Variants in SYNJ1 observed in about 807,000 individuals in gnomAD.
SYNJ1 encodes the protein synaptojanin 1.
SYNJ1 carries 78 observed loss-of-function variants against 168.2 expected under a neutral mutation model. The observed-to-expected ratio is 0.46, with a 90% CI of 0.39 to 0.56. SYNJ1 has a LOEUF of 0.56. Among genes scored for constraint, SYNJ1 ranks in the 20% least tolerant of loss-of-function variants. The pLI is 0.00. For missense variants in SYNJ1, 1,303 were observed against 1,597.6 expected, an observed-to-expected ratio of 0.82 and a Z score of 3.14; for synonymous variants, 539 against 548.6, an observed-to-expected ratio of 0.98 and a Z score of 0.24.
intron 21 of SYNJ1, among the ~76,000 whole-genome samples, chr21:32,656,313 G>A (rs1344906045): frequency 6.6e-6 from 1 of 152,104 alleles, no homozygotes; most frequent in Non-Finnish European, 1.5e-5. Context: ...GTGTGGTGGT[G>A]TGCACTTGCA....
At chr21:32,637,378 T>C (rs1007211737) in intron 31 of SYNJ1, among the ~76,000 whole-genome samples, 9 of 151,670 alleles carry the variant, frequency 5.9e-5, no homozygotes, top group African/African-American at 2.2e-4. Context: ...TTATTATATA[T>C]TTTCACCATC....
chr21:32,676,431 A>G, intron 12 of SYNJ1, 76 bp from the exon 13 acceptor site: 2 of 1,446,074 alleles, frequency 1.4e-6, no homozygotes, highest in Non-Finnish European at 1.9e-6. Context: ...GTATAGTGAC[A>G]AAACATTTTG....
chr21:32,723,542 G>A (rs756979972), intron 2 of SYNJ1, among the ~76,000 whole-genome samples: 109 of 152,156 alleles, frequency 7.2e-4, no homozygotes, highest in Non-Finnish European at 1.2e-3. Context: ...TCTTGGCTGC[G>A]AGCAGTGGCT....
At chr21:32,674,622 CGT>C (rs1309199415) in intron 13 of SYNJ1, among the ~76,000 whole-genome samples, 112 of 18,236 alleles carry the variant, frequency 6.1e-3, no homozygotes, top group African/African-American at 0.029. Flanking sequence ...CAATCTCTCC[CGT>C]TTTTTTTTTT....
chr21:32,714,082 T>C (rs189176463), intron 2 of SYNJ1, among the ~76,000 whole-genome samples: 1 of 152,336 alleles, frequency 6.6e-6, no homozygotes, highest in Non-Finnish European at 1.5e-5. Context: ...TATATACTTT[T>C]CTACATGTAT....
chr21:32,688,217 C>G (rs2041897663), intron 7 of SYNJ1, 89 bp downstream of exon 7: 3 of 1,304,258 alleles, frequency 2.3e-6, no homozygotes, highest in African/African-American at 3.0e-5. Flanking sequence ...TATTTAAAGC[C>G]AAAAAAGTTT....
intron 14 of SYNJ1, among the ~76,000 whole-genome samples, chr21:32,672,982 T>C (rs2041263328): frequency 6.6e-6 from 1 of 151,356 alleles, no homozygotes; most frequent in African/African-American, 2.5e-5. Context: ...TCTTGGTTTA[T>C]GTCCATAATC....
chr21:32,719,965 C>A (rs1267452988), intron 2 of SYNJ1, among the ~76,000 whole-genome samples: 2 of 151,618 alleles, frequency 1.3e-5, no homozygotes, highest in Admixed American at 6.6e-5. Context: ...CGAGGCCAGG[C>A]ACAGTGGCTC....
Position 32,639,004 on chromosome 21 carries a change from C to A in SYNJ1, c.3819G>T (p.Gln1273His), listed in dbSNP as rs766057048. Reference sequence around the variant, plus strand: ...TTTCCAAATTTGGCTGGGGGCCAGACTGAGGCATAGGTGCTGCCACAGGGA... The same window carrying A: ...TTTCCAAATTTGGCTGGGGGCCAGAATGAGGCATAGGTGCTGCCACAGGGA... ...PLVPVAAPMPQSGPQPNLETP... is the reference protein window; with the variant it reads ...PLVPVAAPMPHSGPQPNLETP... Residue 1273 changes from glutamine (Q) to histidine (H), a missense_variant, in exon 31 of 33, where the codon CAG (glutamine) becomes CAT (histidine). Physicochemically the swap from Gln to His is conservative, Grantham distance 24. This residue lies in a region of SYNJ1 where 383 missense variants were observed against 388.8 expected (regional missense o/e 0.99). Transcript: ENST00000674351. 6 of 1,613,984 alleles carry A rather than the reference C, an allele frequency of 3.7e-6. No homozygotes were observed. The highest frequency in any genetic ancestry group is 3.4e-6 in the Non-Finnish European group (4 of 1,179,918).
At position 32,631,571 on chromosome 21, in the gene SYNJ1, C is replaced by A. The variant is rs777299829; in HGVS notation, c.*234G>T. The stretch of plus-strand genomic sequence containing the variant: ...TTCGCATATTTTCCTGGGATTGACT[C>A]CGAGCTGGAATTGGAGGCATTGTTG... On this transcript the variant is annotated 3_prime_UTR_variant, in exon 33 of 33. Coordinates refer to ENST00000674351, the MANE Select transcript of SYNJ1 (RefSeq NM_203446.3). 8.1e-6 allele frequency: 13 copies of A among 1,614,046 alleles called. No homozygotes were observed. The Admixed American group carries it at 2.2e-4, about 27-fold the overall frequency.
At chr21:32,633,032 A>G (rs1168495162) in intron 32 of SYNJ1, among the ~76,000 whole-genome samples, 7 of 152,184 alleles carry the variant, frequency 4.6e-5, no homozygotes, top group Non-Finnish European at 8.8e-5. Context: ...AACAAAAAAC[A>G]AAAACTGAGT....
chr21:32,728,253 T>C (rs1292366495), upstream of SYNJ1: 3 of 563,468 alleles, frequency 5.3e-6, no homozygotes, highest in Non-Finnish European at 9.1e-6. Context: ...AGATCTGGCC[T>C]CCTTGGTCCT....
intron 32 of SYNJ1, among the ~76,000 whole-genome samples, chr21:32,633,124 T>C (rs1219670689): frequency 1.3e-5 from 2 of 152,206 alleles, no homozygotes; most frequent in East Asian, 1.9e-4. Flanking sequence ...AGTAACCAAA[T>C]GCAACCATTG....
intron 12 of SYNJ1, among the ~76,000 whole-genome samples, chr21:32,676,887 G>A (rs1299531452): frequency 6.6e-6 from 1 of 152,096 alleles, no homozygotes; most frequent in Non-Finnish European, 1.5e-5. Flanking sequence ...AAATGGGGTT[G>A]GGGTACCACG....
At chr21:32,727,795 G>T (rs2043540053) in intron 1 of SYNJ1, 151 bp downstream of exon 1, 1 of 1,435,244 alleles carries the variant, frequency 7.0e-7, no homozygotes, top group East Asian at 2.7e-5. Context: ...TCACAACCCC[G>T]CCCGTCCTCC....
At chr21:32,670,243 C>A in intron 15 of SYNJ1, 45 bp downstream of exon 15, 1 of 1,517,276 alleles carries the variant, frequency 6.6e-7, no homozygotes, top group South Asian at 1.1e-5. Context: ...TCCATAGTTT[C>A]CCTCAACTGG....
chr21:32,702,879 G>C (rs550194211), intron 2 of SYNJ1, among the ~76,000 whole-genome samples: 37 of 152,286 alleles, frequency 2.4e-4, no homozygotes, highest in Admixed American at 5.2e-4. Flanking sequence ...TGGCAACACT[G>C]ACGTGTTCCA....
chr21:32,641,844 T>C (rs1024399340), intron 29 of SYNJ1, 52 bp downstream of exon 29: 1 of 1,393,846 alleles, frequency 7.2e-7, no homozygotes, highest in Non-Finnish European at 9.9e-7. Context: ...TGACTAGTAG[T>C]AAACAGGACT....
chr21:32,665,836 T>G, intron 17 of SYNJ1, 107 bp downstream of exon 17: 1 of 1,132,470 alleles, frequency 8.8e-7, no homozygotes, highest in Non-Finnish European at 1.2e-6. Context: ...ATATTCTTAA[T>G]GTTTCTAGGA....
Sources: gnomAD v4.1 joint callset for allele counts (sites outside exome capture counted in the v4.1 genomes callset) on GRCh38, gnomAD v4.1.1 for gene constraint, gnomAD v4.1.1 regional missense constraint, MANE v1.5 for transcripts, NCBI Gene and HGNC (gene_info 2026-07-23, HGNC 2026-07-21) for gene names.